Variants in NDC1 observed in about 807,000 individuals in gnomAD.
NDC1 encodes nucleoporin NDC1.
Under a neutral mutation model 89.8 loss-of-function variants are expected in NDC1, and 24 were observed. The observed-to-expected ratio is 0.27, with a 90% CI of 0.19 to 0.38. The LOEUF (loss-of-function observed/expected upper bound fraction) is 0.38, where lower values mean the gene tolerates loss of function less well. Ranked by LOEUF, NDC1 falls within the 10% of genes least tolerant of loss-of-function variation. NDC1 has a pLI of 1.00. For missense variants in NDC1, 728 were observed against 797.6 expected (o/e 0.91, Z 1.05); for synonymous variants, 296 against 284.8 (o/e 1.04, Z -0.39).
In NDC1 at chr1:53,772,745, C is replaced by A. The variant is rs544222646; in HGVS notation, c.1801-256G>T. Among the ~76,000 whole-genome samples, 23 of 148,288 alleles carry A rather than the reference C, an allele frequency of 1.6e-4. No homozygotes were observed. The Middle Eastern group carries it at 0.017, about 111-fold the overall frequency. ...ACAAAACAAAACAAACATAATATAA[C>A]ATAAAATAAAATAAAATAAAAAATT... On this transcript the variant is annotated intron_variant, in intron 16 of 17. Coordinates refer to ENST00000371429, the MANE Select transcript of NDC1 (RefSeq NM_018087.5).
chr1:53,797,949 A>G (rs1453589743), intron 11 of NDC1, among the ~76,000 whole-genome samples: 6 of 152,012 alleles, frequency 3.9e-5, no homozygotes, highest in African/African-American at 1.4e-4. Flanking sequence ...CAAGTTAACA[A>G]AAGTCACACC....
At chr1:53,769,790 T>C (rs759101412) in intron 17 of NDC1, among the ~76,000 whole-genome samples, 1 of 152,220 alleles carries the variant, frequency 6.6e-6, no homozygotes, top group Non-Finnish European at 1.5e-5. Flanking sequence ...GGTGTGAGAA[T>C]GTTCCCTTTC....
At chr1:53,816,561 G>A (rs1416076987) in intron 6 of NDC1, among the ~76,000 whole-genome samples, 2 of 150,828 alleles carry the variant, frequency 1.3e-5, no homozygotes, top group Non-Finnish European at 2.9e-5. Flanking sequence ...ACGACCAAAA[G>A]CCCAAAAGCA....
Position 53,826,165 on chromosome 1 carries a change from A to C in NDC1, c.456-229T>G, listed in dbSNP as rs140526453. On this transcript the variant is annotated intron_variant, in intron 4 of 17. Coordinates refer to ENST00000371429, the MANE Select transcript of NDC1 (RefSeq NM_018087.5). Reference sequence around the variant, plus strand: ...TAATTCTACCTCTGTTCCCCTGGAAATCTGACATGATTAAGTATATCTACC... The same window carrying C: ...TAATTCTACCTCTGTTCCCCTGGAACTCTGACATGATTAAGTATATCTACC... 2.0e-5 allele frequency among the ~76,000 whole-genome samples: 3 copies of C among 152,362 alleles called. No homozygotes were observed. In the East Asian group the frequency reaches 5.8e-4, roughly 29 times the overall value.
intron 14 of NDC1, among the ~76,000 whole-genome samples, chr1:53,789,660 G>T (rs1473481581): frequency 6.6e-6 from 1 of 151,832 alleles, no homozygotes; most frequent in Non-Finnish European, 1.5e-5. Context: ...TTAGCTGGGC[G>T]TGGTGGCAGG....
At chr1:53,776,628 T>A (rs930848480) in intron 16 of NDC1, among the ~76,000 whole-genome samples, 1 of 152,256 alleles carries the variant, frequency 6.6e-6, no homozygotes, top group African/African-American at 2.4e-5. Context: ...AGAGTGCTGC[T>A]ATCTGTCTCT....
In NDC1 at chr1:53,825,785, C is replaced by T. The variant is rs890613042; in HGVS notation, c.594+13G>A. 3.0e-5 allele frequency: 47 copies of T among 1,564,692 alleles called. 1 individual carries two copies. Among genetic ancestry groups the T allele is most frequent in the Non-Finnish European group, 3.7e-5 (43 of 1,162,940 alleles). On this transcript the variant is annotated intron_variant, in intron 5 of 17. Transcript: ENST00000371429. ...CCAAATTTTGACATCAAGTAATGCT[C>T]AAATGATCTTACCTGTATGATGGGA...
intron 16 of NDC1, among the ~76,000 whole-genome samples, chr1:53,772,706 C>CATAAT (rs1365629945): frequency 6.6e-6 from 1 of 151,128 alleles, no homozygotes; most frequent in Non-Finnish European, 1.5e-5. Flanking sequence ...CATAACATAA[C>CATAAT]ATAACATAAC....
chr1:53,779,921 G>T (rs1647190689), intron 16 of NDC1, among the ~76,000 whole-genome samples: 1 of 151,986 alleles, frequency 6.6e-6, no homozygotes, highest in Non-Finnish European at 1.5e-5. Context: ...TGGCCCTCAA[G>T]AATATTCCTT....
At chr1:53,789,300 C>T (rs1647408195) in intron 14 of NDC1, 104 bp from the exon 15 acceptor site, 3 of 633,768 alleles carry the variant, frequency 4.7e-6, no homozygotes, top group South Asian at 4.2e-5. Flanking sequence ...TTCACAGCTG[C>T]CTCTCAAGAA....
intron 11 of NDC1, among the ~76,000 whole-genome samples, chr1:53,798,326 C>T (rs550278191): frequency 1.5e-4 from 22 of 151,112 alleles, no homozygotes; most frequent in Admixed American, 1.3e-3. Flanking sequence ...TGCACAACCA[C>T]ATCCAGCTAA....
At chr1:53,801,593 A>G (rs1055549595) in intron 10 of NDC1, among the ~76,000 whole-genome samples, 4 of 152,180 alleles carry the variant, frequency 2.6e-5, no homozygotes. Flanking sequence ...CCAAATGATC[A>G]TTCCCTCTTC....
intron 6 of NDC1, among the ~76,000 whole-genome samples, chr1:53,812,954 A>G (rs1570213944): frequency 6.6e-6 from 1 of 152,250 alleles, no homozygotes. Context: ...CTCTATCTTC[A>G]GCCTCCTCCA....
rs866725139 is a variant in NDC1, at chr1:53,800,902, T to C, written c.1067-54A>G. ...ATGTAAATAATCTTACATTCCCCTC[T>C]TGAAGTGGGGGAAAAAGTCAGTAAG... On this transcript the variant is annotated intron_variant, in intron 10 of 17. Transcript: ENST00000371429. The C allele has an allele frequency of 6.0e-6, 9 of 1,489,906 alleles. No homozygotes were observed. In the South Asian group the frequency reaches 1.1e-4, roughly 18 times the overall value. The allele number at this position is 1,489,906 out of a possible 1,614,324, so 92.3% of individuals were successfully genotyped here. A position where few individuals can be genotyped will look rare whatever the true frequency, so the allele number is the denominator to read the frequency against.
intron 5 of NDC1, among the ~76,000 whole-genome samples, chr1:53,825,216 C>T (rs545617741): frequency 1.3e-5 from 2 of 151,844 alleles, no homozygotes; most frequent in African/African-American, 4.8e-5. Context: ...TGGCTCATGC[C>T]TGTAATTCCA....
At chr1:53,793,121 G>T in intron 14 of NDC1, 108 bp downstream of exon 14, 3 of 973,118 alleles carry the variant, frequency 3.1e-6, no homozygotes, top group Non-Finnish European at 4.8e-6. Context: ...TGCCTAGCTT[G>T]CTAGGATTAA....
chr1:53,794,101 A>G (rs2100647674), intron 13 of NDC1, among the ~76,000 whole-genome samples: 1 of 151,966 alleles, frequency 6.6e-6, no homozygotes, highest in South Asian at 2.1e-4. Context: ...TCAGCCTCCC[A>G]AGTAGCTAGG....
At position 53,765,922 on chromosome 1, in the gene NDC1, A is replaced by T. The variant is rs570358010; in HGVS notation, c.*2048T>A. The T allele has an allele frequency of 1.3e-4, 20 of 152,172 alleles. 1 individual carries two copies. The South Asian group carries it at 4.2e-3, about 32-fold the overall frequency. 9.4% of individuals were successfully genotyped at this position (152,172 alleles called of 1,614,324 possible). A position where few individuals can be genotyped will look rare whatever the true frequency, so the allele number is the denominator to read the frequency against. On this transcript the variant is annotated 3_prime_UTR_variant, in exon 18 of 18. Transcript: ENST00000371429. ...GTACACAGGAGGAGTTCCCCATAAT[A>T]ACACCCTGGTTCCAACAGATGGTGT...
rs111262972 is a variant in NDC1 at position 53,784,431 on chromosome 1, C to T, written c.1800+2727G>A. Reference sequence around the variant, plus strand: ...CAACACTTTGGGAGGCCGAGGCAGGCGGATTACCTGAGGTCAGGAGTTTGA... The same window carrying T: ...CAACACTTTGGGAGGCCGAGGCAGGTGGATTACCTGAGGTCAGGAGTTTGA... On this transcript the variant is annotated intron_variant, in intron 16 of 17. Transcript: ENST00000371429. Among the ~76,000 whole-genome samples the T allele has an allele frequency of 7.1e-3, 1,084 of 151,854 alleles. 18 individuals are homozygous for T. Among genetic ancestry groups the T allele is most frequent in the African/African-American group, 0.025 (1,023 of 41,420 alleles).
Sources: allele counts gnomAD v4.1 joint callset (sites outside exome capture counted in the v4.1 genomes callset), GRCh38; gene constraint gnomAD v4.1.1; transcripts MANE v1.5; gene names NCBI Gene and HGNC (gene_info 2026-07-23, HGNC 2026-07-21).